Variants in ACACA observed in about 807,000 individuals in gnomAD.
ACACA encodes acetyl-CoA carboxylase 1.
In ACACA, 103 loss-of-function variants were observed where a neutral mutation model predicts 296.1. The ratio of observed to expected loss-of-function variants is 0.35; its 90% CI spans 0.30 to 0.41. The LOEUF is 0.41. Among genes scored for constraint, ACACA ranks in the 10% least tolerant of loss-of-function variants. ACACA has a pLI of 1.00. For missense variants in ACACA, 1,554 were observed against 2,989.7 expected, an observed-to-expected ratio of 0.52 and a Z score of 11.20; for synonymous variants, 953 against 1,038.6, an observed-to-expected ratio of 0.92 and a Z score of 1.58.
At chr17:37,133,691 C>T (rs758286304) in intron 45 of ACACA, among the ~76,000 whole-genome samples, 43 of 152,152 alleles carry the variant, frequency 2.8e-4, no homozygotes, top group Non-Finnish European at 2.9e-5. Context: ...CATTTCTTGC[C>T]GTGTTTCAGT....
intron 10 of ACACA, among the ~76,000 whole-genome samples, chr17:37,266,593 AT>A (rs553547473): frequency 3.3e-5 from 5 of 151,980 alleles, no homozygotes; most frequent in Non-Finnish European, 7.4e-5. Flanking sequence ...ACTCTGAGGC[AT>A]TTTTTACTTT....
At position 37,278,013 on chromosome 17, in the gene ACACA, T is replaced by G; in HGVS notation, c.611-8A>C. 6.3e-7 allele frequency: 1 copy of G among 1,599,140 alleles called. No individual in the cohort carries two copies. Among genetic ancestry groups the G allele is most frequent in the Non-Finnish European group, 8.6e-7 (1 of 1,166,430 alleles). ...CTGCCATCTTAATGTATTCTGAAAA[T>G]GCAAGCGAATTAATAGAGAACACAT... On this transcript the variant is annotated splice_region_variant and splice_polypyrimidine_tract_variant and intron_variant, in intron 5 of 55. Coordinates refer to ENST00000616317, the MANE Select transcript of ACACA (RefSeq NM_198834.3).
At chr17:37,291,454 G>A (rs563396166) in intron 3 of ACACA, among the ~76,000 whole-genome samples, 2 of 152,142 alleles carry the variant, frequency 1.3e-5, no homozygotes, top group South Asian at 2.1e-4. Flanking sequence ...GGAATTACAG[G>A]TGTGAGCCAC....
chr17:37,240,349 T>G (rs1429997596), intron 24 of ACACA, 127 bp downstream of exon 24: 2 of 762,498 alleles, frequency 2.6e-6, no homozygotes, highest in Non-Finnish European at 4.5e-6. Flanking sequence ...GATAGGAGAC[T>G]GTTTATTAAT....
At chr17:37,403,764 G>C (rs1312221725) in intron 1 of ACACA, among the ~76,000 whole-genome samples, 1 of 152,136 alleles carries the variant, frequency 6.6e-6, no homozygotes, top group Non-Finnish European at 1.5e-5. Flanking sequence ...TTTCCAGGTA[G>C]TTGAATGCTA....
intron 10 of ACACA, among the ~76,000 whole-genome samples, chr17:37,268,891 G>A (rs915512949): frequency 2.0e-5 from 3 of 150,522 alleles, no homozygotes; most frequent in African/African-American, 7.3e-5. Context: ...TCCACTATTT[G>A]ATTCCATAAG....
chr17:37,203,354 A>C (rs960526700), intron 33 of ACACA, among the ~76,000 whole-genome samples: 8 of 152,206 alleles, frequency 5.3e-5, no homozygotes, highest in African/African-American at 1.4e-4. Flanking sequence ...TTATGGAAAA[A>C]TACTCAAACA....
At chr17:37,287,007 TTC>T (rs1260194858) in intron 3 of ACACA, among the ~76,000 whole-genome samples, 2 of 152,238 alleles carry the variant, frequency 1.3e-5, no homozygotes, top group Non-Finnish European at 2.9e-5. Flanking sequence ...CTATTGAATG[TTC>T]TCTGTTTATA....
At chr17:37,174,004 A>AT (rs2076997747) in intron 41 of ACACA, among the ~76,000 whole-genome samples, 10 of 11,170 alleles carry the variant, frequency 9.0e-4, no homozygotes, top group African/African-American at 5.0e-3. Context: ...ATATATATAT[A>AT]TATATATATA....
At chr17:37,372,462 A>T (rs1597727888) in intron 1 of ACACA, among the ~76,000 whole-genome samples, 1 of 151,724 alleles carries the variant, frequency 6.6e-6, no homozygotes, top group Admixed American at 6.6e-5. Context: ...CAATAATTTT[A>T]AAGCTAGAAG....
intron 30 of ACACA, among the ~76,000 whole-genome samples, chr17:37,208,087 T>C (rs891111747): frequency 6.6e-6 from 1 of 152,198 alleles, no homozygotes; most frequent in African/African-American, 2.4e-5. Context: ...AATTACATTA[T>C]AAGATGTCCA....
chr17:37,313,424 T>A (rs902867065), intron 3 of ACACA, among the ~76,000 whole-genome samples: 4 of 152,168 alleles, frequency 2.6e-5, no homozygotes, highest in Non-Finnish European at 5.9e-5. Context: ...AGTATCTCCA[T>A]CTGACAGAGG....
In ACACA at chr17:37,192,222, G is replaced by T; in HGVS notation, c.4284C>A (p.Leu1428=). ...LELNRMRNFD[L]TAIPCANHKM... is the part of the protein sequence containing the mutation. Reference sequence around the variant, plus strand: ...TGTGATTAGCACATGGAATGGCAGTGAGGTCAAAATTTCTCATCCGGTTCA... The same window carrying T: ...TGTGATTAGCACATGGAATGGCAGTTAGGTCAAAATTTCTCATCCGGTTCA... Residue 1428 remains leucine (L), a synonymous_variant, in exon 37 of 56, where the codon CTC becomes CTA. Coordinates refer to ENST00000616317, the MANE Select transcript of ACACA (RefSeq NM_198834.3). 1.2e-6 allele frequency: 2 copies of T among 1,614,114 alleles called. No individual in the cohort carries two copies. Among genetic ancestry groups the T allele is most frequent in the Non-Finnish European group, 8.5e-7 (1 of 1,180,032 alleles).
intron 25 of ACACA, among the ~76,000 whole-genome samples, chr17:37,233,579 A>T (rs1222399914): frequency 6.6e-6 from 1 of 152,156 alleles, no homozygotes; most frequent in Non-Finnish European, 1.5e-5. Context: ...GGCAAATTCC[A>T]CCCCATTCTA....
intron 39 of ACACA, among the ~76,000 whole-genome samples, chr17:37,188,050 T>G (rs2077604612): frequency 6.6e-6 from 1 of 152,210 alleles, no homozygotes; most frequent in South Asian, 2.1e-4. Context: ...TGCTTACCAA[T>G]ACATGACAAA....
At chr17:37,231,720 G>A (rs919221603) in intron 25 of ACACA, among the ~76,000 whole-genome samples, 1 of 152,172 alleles carries the variant, frequency 6.6e-6, no homozygotes. Flanking sequence ...GTGAGGGGAA[G>A]ACTACTTACC....
At chr17:37,114,312 T>C (rs921611097) in intron 50 of ACACA, among the ~76,000 whole-genome samples, 2 of 152,038 alleles carry the variant, frequency 1.3e-5, no homozygotes, top group African/African-American at 4.8e-5. Flanking sequence ...GAGGCTGAGG[T>C]GGGAGGACCG....
intron 2 of ACACA, among the ~76,000 whole-genome samples, chr17:37,332,663 G>A (rs1330828288): frequency 6.6e-6 from 1 of 151,438 alleles, no homozygotes; most frequent in Non-Finnish European, 1.5e-5. Flanking sequence ...GTAAATACCA[G>A]CACTTTGGTA....
chr17:37,331,309 G>A lies in ACACA; in HGVS notation c.86-884C>T, dbSNP rs540980888. Among the ~76,000 whole-genome samples, 137 of 151,760 alleles carry A rather than the reference G, an allele frequency of 9.0e-4. 1 individual carries two copies. Among genetic ancestry groups the A allele is most frequent in the African/African-American group, 3.3e-3 (135 of 41,340 alleles). ...ATTTTTTGTATTTTTAGTAGAGATGGGGTTTCACCGTGTTAGCCAGGATGG... is the reference window on the plus strand; with the variant it reads ...ATTTTTTGTATTTTTAGTAGAGATGAGGTTTCACCGTGTTAGCCAGGATGG... On this transcript the variant is annotated intron_variant, in intron 2 of 55. Transcript: ENST00000616317.
Sources: allele counts gnomAD v4.1 joint callset (sites outside exome capture counted in the v4.1 genomes callset), GRCh38; gene constraint gnomAD v4.1.1; transcripts MANE v1.5; gene names NCBI Gene and HGNC (gene_info 2026-07-23, HGNC 2026-07-21).